The following DACH2 variants were observed in gnomAD, a reference collection of about 807,000 sequenced individuals.
The protein encoded by DACH2 is dachshund homolog 2.
A neutral mutation model predicts 35.8 loss-of-function variants in DACH2; 17 were observed. That is an observed-to-expected ratio of 0.48 (90% CI 0.33 to 0.71). The LOEUF (loss-of-function observed/expected upper bound fraction) is 0.71, where lower values mean the gene tolerates loss of function less well. Among genes scored for constraint, DACH2 ranks in the 30% least tolerant of loss-of-function variants. The pLI, the probability that DACH2 is intolerant of heterozygous loss-of-function variation, is 0.02. For synonymous variants in DACH2, 195 were observed against 177.3 expected (o/e 1.10, Z -0.79); for missense variants, 469 against 472.7 (o/e 0.99, Z 0.07).
intron 1 of DACH2, among the ~76,000 whole-genome samples, chrX:86,370,315 A>G (rs983541517): frequency 9.0e-6 from 1 of 111,661 alleles, no homozygotes; most frequent in Non-Finnish European, 1.9e-5. Context: ...AAACCATCAA[A>G]CACAAAGTTA....
chrX:86,254,777 A>ATATATATATATAT (rs1556004208), intron 1 of DACH2, among the ~76,000 whole-genome samples: 3 of 14,222 alleles, frequency 2.1e-4, no homozygotes, highest in African/African-American at 4.1e-4. Flanking sequence ...TATTCAAATA[A>ATATATATATATAT]ATAAATATAT....
At chrX:86,436,178 C>A (rs1481895094) in intron 2 of DACH2, among the ~76,000 whole-genome samples, 3 of 110,592 alleles carry the variant, frequency 2.7e-5, no homozygotes. Context: ...ATCCTGAAAT[C>A]TCTATTAAAA....
intron 1 of DACH2, among the ~76,000 whole-genome samples, chrX:86,241,201 A>G (rs980658645): frequency 1.8e-5 from 2 of 111,802 alleles, no homozygotes; most frequent in African/African-American, 6.5e-5. Context: ...AACTTCCTAG[A>G]GACTTGTTGT....
At chrX:86,312,446 A>G (rs2034820174) in intron 1 of DACH2, among the ~76,000 whole-genome samples, 1 of 111,283 alleles carries the variant, frequency 9.0e-6, no homozygotes, top group Non-Finnish European at 1.9e-5. Context: ...CAAGTTGACA[A>G]GGGTGGACTT....
chrX:86,542,979 G>A (rs941938172), intron 3 of DACH2, among the ~76,000 whole-genome samples: 2 of 112,331 alleles, frequency 1.8e-5, no homozygotes, highest in Non-Finnish European at 3.8e-5. Flanking sequence ...GGAGGGCCAA[G>A]GGGGGCCTTC....
chrX:86,467,866 C>A (rs1003691917), intron 2 of DACH2, among the ~76,000 whole-genome samples: 1 of 111,305 alleles, frequency 9.0e-6, no homozygotes, highest in Non-Finnish European at 1.9e-5. Flanking sequence ...CTTGTAAAAC[C>A]GTCAGATCTC....
chrX:86,678,440 ATGTT>A (rs1444192138), intron 4 of DACH2, among the ~76,000 whole-genome samples: 1 of 112,716 alleles, frequency 8.9e-6, no homozygotes, highest in Non-Finnish European at 1.9e-5. Flanking sequence ...TGAGAAAAGA[ATGTT>A]TGAAAACATT....
intron 3 of DACH2, among the ~76,000 whole-genome samples, chrX:86,596,342 C>A (rs1420345589): frequency 2.7e-5 from 3 of 111,433 alleles, no homozygotes; most frequent in African/African-American, 9.8e-5. Flanking sequence ...TACATTCTTA[C>A]CAGCAATGTA....
At chrX:86,608,533 GT>G (rs776937494) in intron 3 of DACH2, among the ~76,000 whole-genome samples, 1 of 111,963 alleles carries the variant, frequency 8.9e-6, no homozygotes, top group Non-Finnish European at 1.9e-5. Flanking sequence ...ATTATTACCA[GT>G]TAGTTGTGTA....
intron 3 of DACH2, among the ~76,000 whole-genome samples, chrX:86,601,204 T>A (rs955210844): frequency 6.3e-5 from 7 of 111,515 alleles, no homozygotes; most frequent in Non-Finnish European, 1.3e-4. Flanking sequence ...CAGTTTTTAT[T>A]CCTGAAAATT....
intron 1 of DACH2, among the ~76,000 whole-genome samples, chrX:86,228,178 C>T (rs1427762139): frequency 9.1e-6 from 1 of 110,093 alleles, no homozygotes; most frequent in East Asian, 2.9e-4. Context: ...TTTGTGTCCT[C>T]ATAGCTTAGC....
chrX:86,817,876 A>G (rs147134873), intron 11 of DACH2, among the ~76,000 whole-genome samples: 14,768 of 111,568 alleles, frequency 0.13, 889 homozygotes, highest in South Asian at 0.4. Flanking sequence ...GACACATTTA[A>G]TACTTGTTTT....
At chrX:86,644,376 A>G (rs1425002909) in intron 3 of DACH2, among the ~76,000 whole-genome samples, 6 of 111,373 alleles carry the variant, frequency 5.4e-5, no homozygotes, top group Admixed American at 1.9e-4. Context: ...GAGGTGGAAG[A>G]TCTCTGCAAT....
At chrX:86,765,576 G>A (rs1383014963) in intron 7 of DACH2, among the ~76,000 whole-genome samples, 1 of 108,658 alleles carries the variant, frequency 9.2e-6, no homozygotes, top group Non-Finnish European at 1.9e-5. Context: ...TATCTATTCT[G>A]TTCCATTGGT....
intron 2 of DACH2, among the ~76,000 whole-genome samples, chrX:86,494,799 A>T (rs1352373471): frequency 8.9e-6 from 1 of 112,441 alleles, no homozygotes; most frequent in Non-Finnish European, 1.9e-5. Flanking sequence ...CAATTGCAAT[A>T]ATGCACCAGT....
intron 3 of DACH2, among the ~76,000 whole-genome samples, chrX:86,575,585 A>G (rs1277317635): frequency 8.9e-6 from 1 of 111,988 alleles, no homozygotes; most frequent in Non-Finnish European, 1.9e-5. Flanking sequence ...TCAGAATTCT[A>G]TAAAACTTGA....
intron 1 of DACH2, among the ~76,000 whole-genome samples, chrX:86,198,305 A>AGCT (rs2147899104): frequency 8.9e-6 from 1 of 111,961 alleles, no homozygotes; most frequent in East Asian, 2.8e-4. Context: ...ACCCACATCA[A>AGCT]AAAGTTAGAA....
intron 4 of DACH2, among the ~76,000 whole-genome samples, chrX:86,653,929 A>G (rs957668532): frequency 2.7e-5 from 3 of 110,200 alleles, no homozygotes; most frequent in African/African-American, 9.9e-5. Flanking sequence ...GGCCTCCCAA[A>G]GTGCTGGGAT....
At position 86,533,599 on chromosome X, in the gene DACH2, C is replaced by T. The variant is rs543777811; in HGVS notation, c.640+19208C>T. On this transcript the variant is annotated intron_variant, in intron 3 of 11. Transcript: ENST00000373125. ...ATTATCAAATCGTATTATTTTTTGA[C>T]ATAAGTACTTCTGAGTTAGTATAGC... 3.6e-5 allele frequency among the ~76,000 whole-genome samples: 4 copies of T among 111,934 alleles called. No homozygotes were observed. The South Asian group carries it at 1.5e-3, about 41-fold the overall frequency.
Sources: allele counts gnomAD v4.1 joint callset (sites outside exome capture counted in the v4.1 genomes callset), GRCh38; gene constraint gnomAD v4.1.1; transcripts MANE v1.5; gene names NCBI Gene and HGNC (gene_info 2026-07-23, HGNC 2026-07-21).